SLC8A2: variants seen among roughly 807,000 people sequenced by gnomAD.
SLC8A2 encodes the protein solute carrier family 8 member A2.
A neutral mutation model predicts 70.2 loss-of-function variants in SLC8A2; 14 were observed. The ratio of observed to expected loss-of-function variants is 0.20; its 90% CI spans 0.13 to 0.31. The LOEUF is 0.31. Ranked by LOEUF, SLC8A2 falls within the 10% of genes least tolerant of loss-of-function variation. The pLI is 1.00. For synonymous variants in SLC8A2, 575 were observed against 594.3 expected (o/e 0.97, Z 0.47); for missense variants, 779 against 1,320.1 (o/e 0.59, Z 6.35).
Position 47,447,579 on chromosome 19 carries a change from C to A in SLC8A2, c.1763+230G>T. ...TGGAGAACGATTCACTCAGGCCCCT[C>A]TCCTCCTGAGGGCCCAGCTGTTCAG... On this transcript the variant is annotated intron_variant, in intron 4 of 9. Coordinates refer to ENST00000236877, the MANE Select transcript of SLC8A2 (RefSeq NM_015063.3). This position sits in a 1 kb window ranked among gnomAD's most constrained non-coding sequence, Gnocchi z 5.1. The A allele has an allele frequency of 3.7e-6, 2 of 545,180 alleles. No homozygotes were observed. The highest frequency in any genetic ancestry group is 6.4e-6 in the Non-Finnish European group (2 of 313,548). 33.8% of individuals were successfully genotyped at this position (545,180 alleles called of 1,614,324 possible). A position where few individuals can be genotyped will look rare whatever the true frequency, so the allele number is the denominator to read the frequency against.
At chr19:47,441,481 G>C (rs1967099079) in intron 4 of SLC8A2, 41 bp from the exon 5 acceptor site, 1 of 1,261,030 alleles carries the variant, frequency 7.9e-7, no homozygotes. Context: ...CTCAGTGTAA[G>C]GCCCCCTCCC....
At position 47,448,348 on chromosome 19, in the gene SLC8A2, C is replaced by G; in HGVS notation, c.1341-117G>C. ...AGACGTAGGTGCCATAGAAGAACTC[C>G]CAAGTATGAGGGTCGACAGGCATTA... On this transcript the variant is annotated intron_variant, in intron 3 of 9. Transcript: ENST00000236877. This position sits in a 1 kb window ranked among gnomAD's most constrained non-coding sequence, Gnocchi z 4.8. The G allele has an allele frequency of 1.4e-6, 1 of 738,994 alleles. No individual in the cohort carries two copies. The highest frequency in any genetic ancestry group is 2.2e-6 in the Non-Finnish European group (1 of 458,364). 45.8% of individuals were successfully genotyped at this position (738,994 alleles called of 1,614,324 possible).
At chr19:47,458,080 CTGACCT>C (rs1967337381) in intron 2 of SLC8A2, among the ~76,000 whole-genome samples, 1 of 152,116 alleles carries the variant, frequency 6.6e-6, no homozygotes, top group Admixed American at 6.6e-5. Context: ...TCTTGAAATC[CTGACCT>C]TGTGATCCTC....
intron 1 of SLC8A2, among the ~76,000 whole-genome samples, chr19:47,470,510 C>T (rs1433286782): frequency 1.3e-5 from 2 of 152,170 alleles, no homozygotes. Flanking sequence ...CTCAGCACCC[C>T]CCACTGAGAC....
intron 3 of SLC8A2, among the ~76,000 whole-genome samples, chr19:47,449,488 A>G (rs1390726821): frequency 6.6e-6 from 1 of 151,882 alleles, no homozygotes. Flanking sequence ...TGCCTGGCTA[A>G]TTTTGTGTAC....
intron 3 of SLC8A2, among the ~76,000 whole-genome samples, chr19:47,452,439 AGAGAGAGTGTGTGTGTGTGTGT>A (rs1967252982): frequency 1.3e-5 from 1 of 77,794 alleles, no homozygotes; most frequent in African/African-American, 5.5e-5. Flanking sequence ...AGAGAGAGAG[AGAGAGAGTGTGTGTGTGTGTGT>A]GTGTGTGTGT....
chr19:47,447,881 C>A lies in SLC8A2; in HGVS notation c.1691G>T (p.Gly564Val). 6.3e-7 allele frequency: 1 copy of A among 1,592,020 alleles called. No individual in the cohort carries two copies. Among genetic ancestry groups the A allele is most frequent in the East Asian group, 2.3e-5 (1 of 43,220 alleles). The stretch of plus-strand genomic sequence containing the variant: ...GTGCACGCCGCCGCCGCGCGCCGTG[C>A]CGTCCACCGTGCGGTAGGGAAGGCG... ...TVRLPYRTVD[G>V]TARGGGVHYE... The change falls in exon 4 of 10, where the codon GGC (glycine) becomes GTC (valine). Residue 564 changes from glycine to valine, a missense_variant. By Grantham distance (109) the Gly-to-Val change is moderately radical. Around this residue, in one of 6 missense-constraint regions of SLC8A2, gnomAD observed 247 missense variants for 362.8 expected, o/e 0.68. Transcript: ENST00000236877. The surrounding 1 kb of genome is among the most constrained non-coding windows in gnomAD (Gnocchi z 5.1).
Position 47,447,656 on chromosome 19 carries a change from G to T in SLC8A2, c.1763+153C>A. Reference sequence around the variant, plus strand: ...GGGTCACAGGCCCCGCCCACGTTGCGGGCACGGCCACGCAGGCCCCTCCCC... The same window carrying T: ...GGGTCACAGGCCCCGCCCACGTTGCTGGCACGGCCACGCAGGCCCCTCCCC... On this transcript the variant is annotated intron_variant, in intron 4 of 9. Coordinates refer to ENST00000236877, the MANE Select transcript of SLC8A2 (RefSeq NM_015063.3). This position sits in a 1 kb window ranked among gnomAD's most constrained non-coding sequence, Gnocchi z 5.1. The T allele has an allele frequency of 1.0e-5, 7 of 698,482 alleles. No homozygotes were observed. Among genetic ancestry groups the T allele is most frequent in the Non-Finnish European group, 1.5e-5 (7 of 455,060 alleles). 43.3% of individuals were successfully genotyped at this position (698,482 alleles called of 1,614,324 possible).
chr19:47,466,984 G>T lies in SLC8A2; in HGVS notation c.-16-565C>A, dbSNP rs1440854767. 6.6e-6 allele frequency among the ~76,000 whole-genome samples: 1 copy of T among 152,190 alleles called. No homozygotes were observed. The highest frequency in any genetic ancestry group is 1.5e-5 in the Non-Finnish European group (1 of 68,032). On this transcript the variant is annotated intron_variant, in intron 1 of 9. Coordinates refer to ENST00000236877, the MANE Select transcript of SLC8A2 (RefSeq NM_015063.3). The surrounding 1 kb of genome is among the most constrained non-coding windows in gnomAD (Gnocchi z 6.9). ...AGGCAGGAGAATCACTTGAACCTGG[G>T]AGGCGGAGGTTGCAGTGAGCTGAGA...
intron 2 of SLC8A2, among the ~76,000 whole-genome samples, chr19:47,459,532 G>A (rs914920816): frequency 5.5e-5 from 8 of 145,454 alleles, no homozygotes; most frequent in South Asian, 2.2e-4. Flanking sequence ...GTGCGTGCGC[G>A]TGTGTGCGCA....
Position 47,429,912 on chromosome 19 carries a change from G to C in SLC8A2, c.*177C>G, listed in dbSNP as rs1205197113. 1 of 624,720 alleles carries C rather than the reference G, an allele frequency of 1.6e-6. No homozygotes were observed. The highest frequency in any genetic ancestry group is 2.0e-5 in the South Asian group (1 of 49,616). The allele number at this position is 624,720 out of a possible 1,614,324, so 38.7% of individuals were successfully genotyped here. ...GCTCCCGAGAGGAAGAGGGAAGGCT[G>C]AGCTACTGGGGACACAGAACAGGGC... On this transcript the variant is annotated 3_prime_UTR_variant, in exon 10 of 10. Transcript: ENST00000236877.
chr19:47,429,955 G>A lies in SLC8A2; in HGVS notation c.*134C>T, dbSNP rs752006525. 5 of 838,122 alleles carry A rather than the reference G, an allele frequency of 6.0e-6. No homozygotes were observed. The African/African-American group carries it at 8.6e-5, about 14-fold the overall frequency. The allele number at this position is 838,122 out of a possible 1,614,324, so 51.9% of individuals were successfully genotyped here. On this transcript the variant is annotated 3_prime_UTR_variant, in exon 10 of 10. Transcript: ENST00000236877. ...AACAGGGCAATCAAAGCCAGGGGAG[G>A]GGGCGGAGAAGGGAGGCCGAGTCCC... is the stretch of plus-strand genomic sequence containing the variant.
At chr19:47,441,788 T>G (rs1370613955) in intron 4 of SLC8A2, among the ~76,000 whole-genome samples, 2 of 152,212 alleles carry the variant, frequency 1.3e-5, no homozygotes, top group Admixed American at 6.5e-5. Flanking sequence ...AGAGCCCATC[T>G]CTATTTATAT....
chr19:47,468,051 T>C lies in SLC8A2; in HGVS notation c.-16-1632A>G, dbSNP rs1173211929. 6.6e-6 allele frequency among the ~76,000 whole-genome samples: 1 copy of C among 151,390 alleles called. No homozygotes were observed. Among genetic ancestry groups the C allele is most frequent in the Non-Finnish European group, 1.5e-5 (1 of 67,866 alleles). ...AACAAAGCCCACAAATCAGCTTGCCTCATCCCCCTACTGTTCAGAACCCCC... is the reference window on the plus strand; with the variant it reads ...AACAAAGCCCACAAATCAGCTTGCCCCATCCCCCTACTGTTCAGAACCCCC... On this transcript the variant is annotated intron_variant, in intron 1 of 9. Transcript: ENST00000236877. The surrounding 1 kb of genome is among the most constrained non-coding windows in gnomAD (Gnocchi z 5.1).
In SLC8A2 at chr19:47,457,036, C is replaced by T. The variant is rs1173914240; in HGVS notation, c.1234G>A (p.Val412Met). The stretch of plus-strand genomic sequence containing the variant: ...CCCTGGCACGTGACGGACAGCAGCA[C>T]GGAGCCGCAGTTCTCCAGGCAGTGG... ...LYHCLENCGS[V>M]LLSVTCQGGE... The change falls in exon 3 of 10, where the codon GTG becomes ATG. Residue 412 changes from valine to methionine, a missense_variant. This residue lies in a region of SLC8A2 where 186 missense variants were observed against 246.6 expected (regional missense o/e 0.75). Transcript: ENST00000236877. 2.5e-6 allele frequency: 4 copies of T among 1,609,510 alleles called. No homozygotes were observed. The Admixed American group carries it at 5.1e-5, about 20-fold the overall frequency.
Position 47,447,774 on chromosome 19 carries a change from C to T in SLC8A2, c.1763+35G>A, listed in dbSNP as rs770257616. 4 of 1,545,776 alleles carry T rather than the reference C, an allele frequency of 2.6e-6. No homozygotes were observed. Among genetic ancestry groups the T allele is most frequent in the Admixed American group, 3.9e-5 (2 of 51,754 alleles). ...CATCAGGCCTCGCCCATTCCGAAGC[C>T]CCGCCCCTCTCCGGGCCGCCTCGGG... is the stretch of plus-strand genomic sequence containing the variant. On this transcript the variant is annotated intron_variant, in intron 4 of 9. Transcript: ENST00000236877. The surrounding 1 kb of genome is among the most constrained non-coding windows in gnomAD (Gnocchi z 5.1).
At chr19:47,463,270 C>T (rs1480407698) in intron 2 of SLC8A2, among the ~76,000 whole-genome samples, 6 of 143,484 alleles carry the variant, frequency 4.2e-5, no homozygotes, top group African/African-American at 7.8e-5. Flanking sequence ...GTAGCTGGGA[C>T]TACAGGCGCC....
Position 47,447,618 on chromosome 19 carries a change from ACGTCGTGGGCATGGGTCACAGGC to A in SLC8A2, c.1763+168_1763+190del. 1 of 391,438 alleles carries A rather than the reference ACGTCGTGGGCATGGGTCACAGGC, an allele frequency of 2.6e-6. No individual in the cohort carries two copies. Among genetic ancestry groups the A allele is most frequent in the Non-Finnish European group, 4.4e-6 (1 of 226,336 alleles). 24.2% of individuals were successfully genotyped at this position (391,438 alleles called of 1,614,324 possible). On this transcript the variant is annotated intron_variant, in intron 4 of 9. Coordinates refer to ENST00000236877, the MANE Select transcript of SLC8A2 (RefSeq NM_015063.3). This position sits in a 1 kb window ranked among gnomAD's most constrained non-coding sequence, Gnocchi z 5.1. ...CCAGCTGTTCAGTGAAGCCCCGCCC[ACGTCGTGGGCATGGGTCACAGGC>A]CCCGCCCACGTTGCGGGCACGGCCA...
intron 4 of SLC8A2, among the ~76,000 whole-genome samples, chr19:47,445,203 G>A (rs1211509658): frequency 6.6e-6 from 1 of 152,150 alleles, no homozygotes; most frequent in Non-Finnish European, 1.5e-5. Flanking sequence ...TCGCCTGCTG[G>A]GTTCAAGCGA....
Sources: gnomAD v4.1 joint callset for allele counts (sites outside exome capture counted in the v4.1 genomes callset) on GRCh38, gnomAD v4.1.1 for gene constraint, gnomAD v4.1.1 regional missense constraint, Gnocchi (gnomAD v3.1) non-coding constraint, MANE v1.5 for transcripts, NCBI Gene and HGNC (gene_info 2026-07-23, HGNC 2026-07-21) for gene names.